The following MACROD2 variants were observed in gnomAD, a reference collection of about 807,000 sequenced individuals.
MACROD2 encodes ADP-ribose glycohydrolase MACROD2.
In MACROD2, 36 loss-of-function variants were observed where a neutral mutation model predicts 70.4. The observed-to-expected ratio is 0.51, with a 90% CI of 0.39 to 0.68. MACROD2 has a LOEUF of 0.68. MACROD2 is among the 30% of genes least tolerant of loss of function. The pLI is 0.00. For missense variants in MACROD2, 496 were observed against 538.4 expected (o/e 0.92, Z 0.78); for synonymous variants, 172 against 178.8 (o/e 0.96, Z 0.30).
At chr20:15,556,275 T>G (rs2048167936) in intron 8 of MACROD2, among the ~76,000 whole-genome samples, 1 of 152,222 alleles carries the variant, frequency 6.6e-6, no homozygotes, top group Non-Finnish European at 1.5e-5. Context: ...GCTCGTTCAT[T>G]TATGATATGT....
At chr20:15,228,480 C>CT (rs1340424513) in intron 5 of MACROD2, among the ~76,000 whole-genome samples, 9 of 141,302 alleles carry the variant, frequency 6.4e-5, no homozygotes, top group African/African-American at 1.9e-4. Context: ...TTCTTTTTTC[C>CT]TTCTTTCTTT....
In MACROD2 at chr20:16,050,638, T is replaced by C. The variant is rs148609594; in HGVS notation, c.*762T>C. On this transcript the variant is annotated 3_prime_UTR_variant, in exon 18 of 18. Coordinates refer to ENST00000684519, the MANE Select transcript of MACROD2 (RefSeq NM_001351661.2). ...GTTCATGAGGTCTTCACATGGAGAC[T>C]ACCAGCAAGAGGTGACTCTCTGCTG... is the stretch of plus-strand genomic sequence containing the variant. 7 of 152,360 alleles carry C rather than the reference T, an allele frequency of 4.6e-5. No homozygotes were observed. The East Asian group carries it at 7.7e-4, about 17-fold the overall frequency. The allele number at this position is 152,360 out of a possible 1,614,324, so 9.4% of individuals were successfully genotyped here.
chr20:14,224,454 C>T (rs2081713420), intron 3 of MACROD2, among the ~76,000 whole-genome samples: 1 of 152,202 alleles, frequency 6.6e-6, no homozygotes, highest in South Asian at 2.1e-4. Flanking sequence ...CTTCCTATAA[C>T]CCTAAGCTCC....
intron 5 of MACROD2, among the ~76,000 whole-genome samples, chr20:14,699,193 G>A (rs1025884645): frequency 1.4e-4 from 22 of 152,206 alleles, no homozygotes; most frequent in East Asian, 1.2e-3. Context: ...CAGAGTCAGC[G>A]TTCAAAGTCT....
chr20:14,829,171 C>T (rs1461773003), intron 5 of MACROD2, among the ~76,000 whole-genome samples: 1 of 148,802 alleles, frequency 6.7e-6, no homozygotes. Context: ...ACTCTGTCGC[C>T]CAGGCTGGAG....
chr20:14,632,320 T>C (rs2123475277), intron 4 of MACROD2, among the ~76,000 whole-genome samples: 1 of 152,292 alleles, frequency 6.6e-6, no homozygotes, highest in South Asian at 2.1e-4. Flanking sequence ...TGTAAGGAAA[T>C]ATTTAAGAAC....
At chr20:15,630,774 G>A (rs551664245) in intron 8 of MACROD2, among the ~76,000 whole-genome samples, 3 of 152,340 alleles carry the variant, frequency 2.0e-5, no homozygotes, top group East Asian at 3.9e-4. Flanking sequence ...CCCTCGCTAA[G>A]TTCTCACCTC....
chr20:15,906,121 G>C (rs79474315), intron 10 of MACROD2, among the ~76,000 whole-genome samples: 5,096 of 152,304 alleles, frequency 0.033, 167 homozygotes, highest in African/African-American at 0.081. Context: ...GAGACTGGCT[G>C]TAGAATGTGG....
intron 8 of MACROD2, among the ~76,000 whole-genome samples, chr20:15,580,532 A>G (rs1339842009): frequency 2.0e-5 from 3 of 152,158 alleles, no homozygotes; most frequent in African/African-American, 7.2e-5. Flanking sequence ...TTCCAAACCC[A>G]TAAGTCTTCT....
intron 8 of MACROD2, among the ~76,000 whole-genome samples, chr20:15,729,180 ATGT>A (rs1490238224): frequency 6.6e-6 from 1 of 151,934 alleles, no homozygotes; most frequent in Non-Finnish European, 1.5e-5. Context: ...TTTAATTTCC[ATGT>A]TGTTGTGTGA....
At chr20:14,061,451 G>T (rs2148655820) in intron 2 of MACROD2, among the ~76,000 whole-genome samples, 1 of 152,180 alleles carries the variant, frequency 6.6e-6, no homozygotes, top group African/African-American at 2.4e-5. Context: ...ACAGGTTGGT[G>T]GTTGTGCATA....
intron 3 of MACROD2, among the ~76,000 whole-genome samples, chr20:14,248,293 A>C (rs1011904326): frequency 1.3e-5 from 2 of 152,208 alleles, no homozygotes; most frequent in African/African-American, 4.8e-5. Flanking sequence ...ATTATTTAAA[A>C]TATTGTATAT....
At chr20:14,656,704 G>A (rs912579444) in intron 4 of MACROD2, among the ~76,000 whole-genome samples, 2 of 152,128 alleles carry the variant, frequency 1.3e-5, no homozygotes, top group Admixed American at 6.5e-5. Flanking sequence ...TGAATTTCGC[G>A]TCAGACCAGT....
At chr20:15,831,326 G>C (rs1324379922) in intron 8 of MACROD2, among the ~76,000 whole-genome samples, 1 of 152,136 alleles carries the variant, frequency 6.6e-6, no homozygotes, top group Non-Finnish European at 1.5e-5. Flanking sequence ...TCTTCTGCCA[G>C]GTGCAGCTAA....
intron 9 of MACROD2, among the ~76,000 whole-genome samples, chr20:15,882,930 A>G (rs900877810): frequency 6.6e-6 from 1 of 152,064 alleles, no homozygotes; most frequent in African/African-American, 2.4e-5. Context: ...TAGCTTAACT[A>G]GAAGTATCAA....
At chr20:15,871,282 AT>A (rs1250618035) in intron 9 of MACROD2, among the ~76,000 whole-genome samples, 1 of 152,118 alleles carries the variant, frequency 6.6e-6, no homozygotes. Context: ...CCCAGGCAGT[AT>A]TTAAATTTTT....
chr20:15,225,333 T>C (rs2076896357), intron 5 of MACROD2, among the ~76,000 whole-genome samples: 1 of 152,180 alleles, frequency 6.6e-6, no homozygotes, highest in Non-Finnish European at 1.5e-5. Flanking sequence ...GTAAATGGGA[T>C]TCCAGAATAT....
chr20:15,731,767 T>A lies in MACROD2; in HGVS notation c.646-130978T>A, dbSNP rs2050946767. 3.6e-5 allele frequency among the ~76,000 whole-genome samples: 2 copies of A among 55,382 alleles called. 1 individual carries two copies. Among genetic ancestry groups the A allele is most frequent in the South Asian group, 1.2e-3 (2 of 1,718 alleles). The allele number at this position is 55,382 out of a possible 152,430, so 36.3% of individuals were successfully genotyped here. ...TTCTTTTTTTTCTTTTTATTTTTTT[T>A]TTTTTGAGACGGAGTTTCACTCTTG... On this transcript the variant is annotated intron_variant, in intron 8 of 17. Transcript: ENST00000684519.
intron 5 of MACROD2, among the ~76,000 whole-genome samples, chr20:14,817,054 T>C (rs1043016539): frequency 6.6e-6 from 1 of 152,134 alleles, no homozygotes; most frequent in African/African-American, 2.4e-5. Flanking sequence ...CAAAATGTTA[T>C]TCGAAGACAA....
Sources: gnomAD v4.1 joint callset for allele counts (sites outside exome capture counted in the v4.1 genomes callset) on GRCh38, gnomAD v4.1.1 for gene constraint, MANE v1.5 for transcripts, NCBI Gene and HGNC (gene_info 2026-07-23, HGNC 2026-07-21) for gene names.